ERICH3: variants seen among roughly 807,000 people sequenced by gnomAD.
ERICH3 encodes glutamate-rich protein 3.
ERICH3 carries 126 observed loss-of-function variants against 131.1 expected under a neutral mutation model. The observed-to-expected ratio is 0.96, with a 90% CI of 0.83 to 1.11. The LOEUF is 1.11. Among genes scored for constraint, ERICH3 ranks in the 50% most tolerant of loss-of-function variants. The pLI is 0.00. For missense variants in ERICH3, 2,050 were observed against 1,810.7 expected (o/e 1.13, Z -2.40); for synonymous variants, 695 against 644.6 (o/e 1.08, Z -1.18).
In ERICH3 at chr1:74,641,404, G is replaced by A. The variant is rs200091670; in HGVS notation, c.371C>T (p.Pro124Leu). The A allele has an allele frequency of 5.6e-6, 9 of 1,612,070 alleles. No individual in the cohort carries two copies. In the Admixed American group the frequency reaches 1.5e-4, roughly 27 times the overall value. The change falls in exon 5 of 15, where the codon CCA becomes CTA. Residue 124 changes from proline to leucine, a missense_variant. Physicochemically the swap from Pro to Leu is moderately conservative, Grantham distance 98 (BLOSUM62 -3). Transcript: ENST00000326665. ...ACGATTACTCTTTGGGCCAACTGGT[G>A]GGTGGGGAGACAGGATTGGCATGTT... ...ENNMPILSPH[P>L]PVGPKSNRGH...
chr1:74,599,934 G>A lies in ERICH3; in HGVS notation c.1490-3C>T, dbSNP rs2100577832. 2.5e-6 allele frequency: 4 copies of A among 1,590,172 alleles called. No homozygotes were observed. ...TACTTCAAAGTCTTCTTCATACTCTGAAATAGGAAAATCTCCACTATAAGA... is the reference window on the plus strand; with the variant it reads ...TACTTCAAAGTCTTCTTCATACTCTAAAATAGGAAAATCTCCACTATAAGA... On this transcript the variant is annotated splice_region_variant and splice_polypyrimidine_tract_variant and intron_variant, in intron 10 of 14. Transcript: ENST00000326665.
intron 1 of ERICH3, among the ~76,000 whole-genome samples, chr1:74,652,693 T>C (rs748391096): frequency 2.6e-5 from 4 of 152,240 alleles, no homozygotes; most frequent in Middle Eastern, 3.4e-3. Flanking sequence ...GCTTCAGGCC[T>C]GTGATCCTCC....
At chr1:74,620,989 G>T (rs1054198763) in intron 7 of ERICH3, 75 bp from the exon 8 acceptor site, 140 of 1,149,796 alleles carry the variant, frequency 1.2e-4, no homozygotes, top group Non-Finnish European at 3.8e-5. Flanking sequence ...ATTGTAATAT[G>T]AAGAATAAAG....
chr1:74,571,761 C>A lies in ERICH3; in HGVS notation c.3949G>T (p.Asp1317Tyr). ...TTTCCTTCTCCTTCCATGTCCCCGT[C>A]CCCTTCCGAGTTCCTGTCCTGCATC... Reference protein sequence around the residue: ...EAMQDRNSEGDGDMEGEGNTQ... With the variant: ...EAMQDRNSEGYGDMEGEGNTQ... The change falls in exon 14 of 15, where the codon GAC becomes TAC. Residue 1317 changes from aspartate to tyrosine, a missense_variant. Coordinates refer to ENST00000326665, the MANE Select transcript of ERICH3 (RefSeq NM_001002912.5). The A allele has an allele frequency of 6.2e-7, 1 of 1,614,150 alleles. No individual in the cohort carries two copies.
Position 74,571,957 on chromosome 1 carries a change from G to T in ERICH3, c.3753C>A (p.Cys1251Ter). 1 of 1,613,650 alleles carries T rather than the reference G, an allele frequency of 6.2e-7. No homozygotes were observed. Among genetic ancestry groups the T allele is most frequent in the Non-Finnish European group, 8.5e-7 (1 of 1,180,016 alleles). The change falls in exon 14 of 15, where the codon TGC (cysteine) becomes TGA (stop). Residue 1251 changes from cysteine to a stop codon, truncating the protein, a stop_gained. Transcript: ENST00000326665. LOFTEE classifies it high-confidence loss of function. ...EELAAKDHDS[C>*]AGLEGRAEGQ... ...CTTCAGCTCTCCCCTCCAGTCCTGC[G>T]CAGGAGTCGTGATCTTTGGCTGCTA...
chr1:74,606,327 A>C (rs972638016), intron 10 of ERICH3, among the ~76,000 whole-genome samples: 3 of 151,928 alleles, frequency 2.0e-5, no homozygotes, highest in African/African-American at 7.2e-5. Context: ...TGCAGAAGTC[A>C]ATAGAGTCTC....
At chr1:74,648,506 G>A (rs1646504215) in intron 2 of ERICH3, among the ~76,000 whole-genome samples, 3 of 152,134 alleles carry the variant, frequency 2.0e-5, no homozygotes, top group Admixed American at 2.0e-4. Context: ...AGCTCTCTGA[G>A]ATCTGTCAGC....
intron 9 of ERICH3, among the ~76,000 whole-genome samples, chr1:74,607,375 A>C (rs1217635584): frequency 2.0e-5 from 3 of 152,026 alleles, no homozygotes; most frequent in Non-Finnish European, 2.9e-5. Flanking sequence ...TGGTCAGAAG[A>C]AGCAAGATGC....
intron 12 of ERICH3, among the ~76,000 whole-genome samples, chr1:74,583,436 T>G (rs150110855): frequency 2.2e-4 from 33 of 152,252 alleles, no homozygotes; most frequent in Middle Eastern, 3.4e-3. Context: ...AATAGAAAAT[T>G]ATAACAATAT....
intron 11 of ERICH3, among the ~76,000 whole-genome samples, chr1:74,594,229 C>T (rs918221960): frequency 1.3e-5 from 2 of 151,622 alleles, no homozygotes; most frequent in African/African-American, 4.9e-5. Flanking sequence ...CAGTTATTTA[C>T]CAAATAACTA....
chr1:74,574,165 GT>G (rs1392524192), intron 13 of ERICH3, among the ~76,000 whole-genome samples: 1 of 151,136 alleles, frequency 6.6e-6, no homozygotes, highest in Admixed American at 6.6e-5. Flanking sequence ...TAATTTTTTT[GT>G]TTTGTTTTGT....
intron 1 of ERICH3, among the ~76,000 whole-genome samples, chr1:74,658,162 G>A (rs920947516): frequency 2.0e-5 from 3 of 152,130 alleles, no homozygotes; most frequent in African/African-American, 7.2e-5. Context: ...TTCAAACCAG[G>A]ATTGTTCTGC....
At position 74,572,948 on chromosome 1, in the gene ERICH3, G is replaced by T; in HGVS notation, c.2762C>A (p.Ala921Asp). ...CTCCGATGTCGCTGCCTCTCTCAGG[G>T]CTGCTACTTCATGAAGATGCTCCAA... The part of the protein sequence containing the change: ...LNLEHLHEVA[A>D]LREAATSEEG... Residue 921 changes from alanine to aspartate, a missense_variant, in exon 14 of 15, where the codon GCC (alanine) becomes GAC (aspartate). By Grantham distance (126) the Ala-to-Asp change is moderately radical. Transcript: ENST00000326665. The T allele has an allele frequency of 6.2e-7, 1 of 1,614,004 alleles. No homozygotes were observed. The highest frequency in any genetic ancestry group is 2.2e-5 in the East Asian group (1 of 44,864).
chr1:74,624,376 A>G (rs1310161313), intron 7 of ERICH3: 2 of 152,198 alleles, frequency 1.3e-5, no homozygotes, highest in Non-Finnish European at 2.9e-5. Flanking sequence ...CCAGAGGAAG[A>G]GTGTTCATAT....
intron 9 of ERICH3, among the ~76,000 whole-genome samples, chr1:74,610,047 A>T (rs1161462248): frequency 3.3e-5 from 5 of 152,032 alleles, no homozygotes; most frequent in Admixed American, 6.6e-5. Context: ...ATATTTGCAC[A>T]TGGCTGATTG....
At chr1:74,648,429 C>A (rs957262574) in intron 2 of ERICH3, among the ~76,000 whole-genome samples, 6 of 152,216 alleles carry the variant, frequency 3.9e-5, no homozygotes, top group African/African-American at 1.4e-4. Flanking sequence ...GATTCTATGG[C>A]TTATAAATGG....
Position 74,572,247 on chromosome 1 carries a change from G to C in ERICH3, c.3463C>G (p.Pro1155Ala). Residue 1155 changes from proline to alanine, a missense_variant, in exon 14 of 15, where the codon CCC becomes GCC. Physicochemically the swap from Pro to Ala is conservative, Grantham distance 27. Transcript: ENST00000326665. ...GEDSLKETVV[P>A]IFEATPGFEK... ...AATCCAGGCGTTGCTTCAAATATGG[G>C]AACCACTGTCTCTTTTAGTGAATCT... 3 of 1,614,054 alleles carry C rather than the reference G, an allele frequency of 1.9e-6. No homozygotes were observed. The highest frequency in any genetic ancestry group is 4.5e-5 in the East Asian group (2 of 44,866).
At chr1:74,587,024 C>A (rs17095642) in intron 12 of ERICH3, among the ~76,000 whole-genome samples, 4 of 151,986 alleles carry the variant, frequency 2.6e-5, no homozygotes, top group Non-Finnish European at 5.9e-5. Context: ...ACATATATTA[C>A]GGCTTAACAA....
chr1:74,670,257 T>C (rs501897), intron 1 of ERICH3, among the ~76,000 whole-genome samples: 2,805 of 152,244 alleles, frequency 0.018, 77 homozygotes, highest in African/African-American at 0.064. Context: ...CCATCCTCTA[T>C]CAGATGTTGG....
Sources: allele counts gnomAD v4.1 joint callset (sites outside exome capture counted in the v4.1 genomes callset), GRCh38; gene constraint gnomAD v4.1.1; transcripts MANE v1.5; gene names NCBI Gene and HGNC (gene_info 2026-07-23, HGNC 2026-07-21).